Variants in LRRC7 observed in about 807,000 individuals in gnomAD.
The protein encoded by LRRC7 is leucine rich repeat containing 7.
In LRRC7, 23 loss-of-function variants were observed where a neutral mutation model predicts 175.7. The observed-to-expected ratio is 0.13, with a 90% CI of 0.09 to 0.19. The LOEUF is 0.19. Ranked by LOEUF, LRRC7 falls within the 10% of genes least tolerant of loss-of-function variation. LRRC7 has a pLI of 1.00. For missense variants in LRRC7, 1,354 were observed against 1,904.7 expected (o/e 0.71, Z 5.38); for synonymous variants, 685 against 680.9 (o/e 1.01, Z -0.09).
intron 24 of LRRC7, among the ~76,000 whole-genome samples, chr1:70,089,151 G>A (rs1013457801): frequency 6.6e-6 from 1 of 152,050 alleles, no homozygotes; most frequent in African/African-American, 2.4e-5. Context: ...ACTCTTCACT[G>A]AGCATTTCAT....
At chr1:69,784,321 G>A (rs1453481901) in intron 3 of LRRC7, among the ~76,000 whole-genome samples, 1 of 152,152 alleles carries the variant, frequency 6.6e-6, no homozygotes, top group East Asian at 1.9e-4. Context: ...ATATGATAGA[G>A]AGGAGCATAG....
chr1:70,041,904 T>G (rs1351583171), intron 21 of LRRC7, among the ~76,000 whole-genome samples: 1 of 152,284 alleles, frequency 6.6e-6, no homozygotes, highest in East Asian at 1.9e-4. Context: ...TCAGCAAAAG[T>G]TTGGAGGCCC....
Position 69,785,576 on chromosome 1 carries a change from A to G in LRRC7, c.304-6467A>G, listed in dbSNP as rs140303667. On this transcript the variant is annotated intron_variant, in intron 3 of 26. Coordinates refer to ENST00000651989, the MANE Select transcript of LRRC7 (RefSeq NM_001370785.2). ...TGCTACTTCTGAGTCTTTTTTCATT[A>G]TATTTATCAAAGTCTTTTCCACTTC... Among the ~76,000 whole-genome samples, 49 of 152,074 alleles carry G rather than the reference A, an allele frequency of 3.2e-4. 1 individual carries two copies. The East Asian group carries it at 8.5e-3, about 26-fold the overall frequency.
intron 1 of LRRC7, among the ~76,000 whole-genome samples, chr1:69,583,978 A>C (rs1365815416): frequency 6.6e-6 from 1 of 152,110 alleles, no homozygotes; most frequent in Admixed American, 6.6e-5. Context: ...AAATAAGCAA[A>C]ACGGCAGAGA....
At chr1:69,960,042 A>T (rs549628527) in intron 8 of LRRC7, among the ~76,000 whole-genome samples, 1 of 152,106 alleles carries the variant, frequency 6.6e-6, no homozygotes, top group East Asian at 1.9e-4. Flanking sequence ...ATTTTTTGGA[A>T]TAGTTTTGGT....
intron 4 of LRRC7, among the ~76,000 whole-genome samples, chr1:69,821,899 A>G (rs1679341647): frequency 1.3e-5 from 2 of 152,150 alleles, no homozygotes; most frequent in Non-Finnish European, 2.9e-5. Context: ...TGTCAAAAAA[A>G]AAAATTGTGT....
intron 1 of LRRC7, among the ~76,000 whole-genome samples, chr1:69,669,880 G>A (rs1174536277): frequency 6.6e-6 from 1 of 151,968 alleles, no homozygotes; most frequent in Admixed American, 6.6e-5. Flanking sequence ...GCATTCTTCA[G>A]TATGCCAATT....
intron 7 of LRRC7, among the ~76,000 whole-genome samples, chr1:69,913,342 A>G (rs1646588824): frequency 6.6e-6 from 1 of 152,210 alleles, no homozygotes. Flanking sequence ...TGAAAAGTAC[A>G]AACAATCACA....
intron 23 of LRRC7, among the ~76,000 whole-genome samples, chr1:70,075,287 G>T (rs1015943105): frequency 1.3e-5 from 2 of 152,160 alleles, no homozygotes; most frequent in Admixed American, 6.5e-5. Flanking sequence ...ATAGAATGAC[G>T]CAAGGAGCTG....
At chr1:69,738,781 A>G (rs1668394084) in intron 2 of LRRC7, among the ~76,000 whole-genome samples, 1 of 152,108 alleles carries the variant, frequency 6.6e-6, no homozygotes, top group Non-Finnish European at 1.5e-5. Flanking sequence ...TATTTAATAA[A>G]CTATCAGGAA....
intron 4 of LRRC7, among the ~76,000 whole-genome samples, chr1:69,822,437 T>A (rs577760088): frequency 6.6e-6 from 1 of 152,200 alleles, no homozygotes; most frequent in Non-Finnish European, 1.5e-5. Flanking sequence ...GAACAGGTCA[T>A]GGGCAAACTT....
chr1:70,001,559 G>A (rs1655523070), intron 11 of LRRC7, among the ~76,000 whole-genome samples: 1 of 152,088 alleles, frequency 6.6e-6, no homozygotes, highest in Non-Finnish European at 1.5e-5. Context: ...GTAACTTGGG[G>A]CAATGAAAGC....
intron 7 of LRRC7, among the ~76,000 whole-genome samples, chr1:69,844,036 T>C (rs936314377): frequency 2.0e-5 from 3 of 152,162 alleles, no homozygotes; most frequent in Admixed American, 6.6e-5. Flanking sequence ...TACCGAAGTA[T>C]TTGGGAGGAT....
chr1:69,901,325 GAAA>G (rs577421610), intron 7 of LRRC7, among the ~76,000 whole-genome samples: 6 of 152,248 alleles, frequency 3.9e-5, no homozygotes, highest in African/African-American at 1.4e-4. Context: ...GAATGACAGA[GAAA>G]AAAGTTTAGA....
chr1:69,600,725 A>G (rs1647019143), intron 1 of LRRC7, among the ~76,000 whole-genome samples: 2 of 149,282 alleles, frequency 1.3e-5, no homozygotes, highest in Non-Finnish European at 3.0e-5. Context: ...ACAGTACAAG[A>G]TACTCCAGGC....
chr1:69,879,323 A>G (rs1005193469), intron 7 of LRRC7, among the ~76,000 whole-genome samples: 3 of 152,058 alleles, frequency 2.0e-5, no homozygotes, highest in African/African-American at 4.8e-5. Flanking sequence ...TAAGTAGGAA[A>G]TCTGACAAAA....
intron 1 of LRRC7, among the ~76,000 whole-genome samples, chr1:69,578,283 C>T (rs1435925620): frequency 6.7e-6 from 1 of 150,268 alleles, no homozygotes; most frequent in Non-Finnish European, 1.5e-5. Flanking sequence ...ATTAAAAAGT[C>T]AGGAATCAAC....
chr1:69,743,118 A>T (rs1351872436), intron 2 of LRRC7, among the ~76,000 whole-genome samples: 1 of 152,036 alleles, frequency 6.6e-6, no homozygotes, highest in African/African-American at 2.4e-5. Context: ...TTAAAAATAA[A>T]TTTGAATTAC....
intron 2 of LRRC7, among the ~76,000 whole-genome samples, chr1:69,724,489 A>C (rs965146220): frequency 1.1e-4 from 16 of 152,246 alleles, no homozygotes; most frequent in African/African-American, 3.6e-4. Context: ...ATTGCTTATG[A>C]TAATTATTTG....
Sources: allele counts gnomAD v4.1 joint callset (sites outside exome capture counted in the v4.1 genomes callset), GRCh38; gene constraint gnomAD v4.1.1; transcripts MANE v1.5; gene names NCBI Gene and HGNC (gene_info 2026-07-23, HGNC 2026-07-21).